The following FBXO10 variants were observed in gnomAD, a reference collection of about 807,000 sequenced individuals.
The protein encoded by FBXO10 is F-box protein 10, also known as F-box only protein 10.
A neutral mutation model predicts 80.7 loss-of-function variants in FBXO10; 39 were observed. The ratio of observed to expected loss-of-function variants is 0.48; its 90% confidence interval spans 0.37 to 0.63. The LOEUF (loss-of-function observed/expected upper bound fraction) is 0.63, where lower values mean the gene tolerates loss of function less well. Among genes scored for constraint, FBXO10 ranks in the 30% least tolerant of loss-of-function variants. The probability of loss-of-function intolerance (pLI) is 0.00; values close to 1 mark genes in which losing one functional copy is unlikely to be tolerated. For missense variants in FBXO10, 1,025 were observed against 1,269.0 expected (o/e 0.81, Z 2.92); for synonymous variants, 449 against 489.6 (o/e 0.92, Z 1.09).
At chr9:37,563,747 C>T (rs13290245) in intron 1 of FBXO10, among the ~76,000 whole-genome samples, 25,169 of 152,102 alleles carry the variant, frequency 0.17, 2,206 homozygotes, top group Middle Eastern at 0.25. Flanking sequence ...AACTTCTAAA[C>T]GACAAAGCAT....
At chr9:37,566,263 T>C (rs1199207495) in intron 1 of FBXO10, among the ~76,000 whole-genome samples, 2 of 152,126 alleles carry the variant, frequency 1.3e-5, no homozygotes, top group South Asian at 2.1e-4. Context: ...CAGAGGGCCA[T>C]ACTAGTATCA....
intron 1 of FBXO10, among the ~76,000 whole-genome samples, chr9:37,544,684 C>T (rs1822007592): frequency 6.6e-6 from 1 of 152,068 alleles, no homozygotes; most frequent in South Asian, 2.1e-4. Flanking sequence ...CTAATGATCA[C>T]CAGCGAGACT....
At chr9:37,522,234 C>T (rs76755900) in intron 7 of FBXO10, 12,075 of 599,832 alleles carry the variant, frequency 0.02, 462 homozygotes, top group African/African-American at 0.13. Context: ...CCAGACCTCT[C>T]TCTGTCCCTC....
At chr9:37,534,997 G>A (rs746515421) in intron 3 of FBXO10, among the ~76,000 whole-genome samples, 10 of 152,184 alleles carry the variant, frequency 6.6e-5, no homozygotes, top group Admixed American at 3.9e-4. Context: ...CTGCCATCAC[G>A]TAGGGTGACA....
chr9:37,549,616 T>C (rs1369166687), intron 1 of FBXO10, among the ~76,000 whole-genome samples: 1 of 152,236 alleles, frequency 6.6e-6, no homozygotes, highest in Non-Finnish European at 1.5e-5. Context: ...TTGATTCTCA[T>C]TTCATCTGCT....
In FBXO10 at chr9:37,515,978, C is replaced by T. The variant is rs1314150526; in HGVS notation, c.2622G>A (p.Lys874=). 1.9e-6 allele frequency: 3 copies of T among 1,614,052 alleles called. No individual in the cohort carries two copies. The part of the protein sequence containing the change: ...ENIIFQGKTS[K]TIFQQISNNR... Reference sequence around the variant, plus strand: ...TGTTTGAGATCTGCTGAAAGATGGTCTTACTGGTTTTGCCCTGGAAGATGA... The same window carrying T: ...TGTTTGAGATCTGCTGAAAGATGGTTTTACTGGTTTTGCCCTGGAAGATGA... Residue 874 remains lysine (K), a synonymous_variant, in exon 10 of 11, where the codon AAG becomes AAA. Coordinates refer to ENST00000432825, the MANE Select transcript of FBXO10 (RefSeq NM_012166.3).
At chr9:37,564,230 T>C (rs886112853) in intron 1 of FBXO10, among the ~76,000 whole-genome samples, 3 of 152,258 alleles carry the variant, frequency 2.0e-5, no homozygotes, top group Non-Finnish European at 4.4e-5. Context: ...AACTGAGGTA[T>C]AGAAACCTCT....
intron 1 of FBXO10, among the ~76,000 whole-genome samples, chr9:37,544,991 C>CAAA (rs59952580): frequency 0.016 from 1,109 of 69,408 alleles, 22 homozygotes; most frequent in African/African-American, 0.035. Context: ...GAGACTCTCT[C>CAAA]AAAAAAAAAA....
intron 1 of FBXO10, among the ~76,000 whole-genome samples, chr9:37,571,317 C>G (rs1167196317): frequency 1.3e-5 from 2 of 152,136 alleles, no homozygotes; most frequent in Non-Finnish European, 2.9e-5. Flanking sequence ...TAATCTTCCT[C>G]TTATAAGTTT....
At chr9:37,561,719 T>C (rs1030719093) in intron 1 of FBXO10, among the ~76,000 whole-genome samples, 4 of 152,198 alleles carry the variant, frequency 2.6e-5, no homozygotes, top group Non-Finnish European at 5.9e-5. Context: ...TGAAAAGCAG[T>C]AAATGAGGCA....
intron 1 of FBXO10, among the ~76,000 whole-genome samples, chr9:37,571,714 C>CATATATATATATATATATATATATATAT (rs71494672): frequency 1.1e-5 from 1 of 93,158 alleles, no homozygotes; most frequent in Non-Finnish European, 1.9e-5. Flanking sequence ...AAAAGAGAGC[C>CATATATATATATATATATATATATATAT]ATATATATAT....
At position 37,576,278 on chromosome 9, in the gene FBXO10, C is replaced by T. The variant is rs1438657577; in HGVS notation, c.-74G>A. On this transcript the variant is annotated 5_prime_UTR_variant, in exon 1 of 11. Transcript: ENST00000432825. Reference sequence around the variant, plus strand: ...CCGGTGCCCTGGAAGCCACCCGCCGCCCCCGCTGGAGCCGCAGCAGCCGGT... The same window carrying T: ...CCGGTGCCCTGGAAGCCACCCGCCGTCCCCGCTGGAGCCGCAGCAGCCGGT... The T allele has an allele frequency of 6.6e-6, 1 of 152,272 alleles. No individual in the cohort carries two copies. The highest frequency in any genetic ancestry group is 1.5e-5 in the Non-Finnish European group (1 of 68,128). 9.4% of individuals were successfully genotyped at this position (152,272 alleles called of 1,614,324 possible). A position where few individuals can be genotyped will look rare whatever the true frequency, so the allele number is the denominator to read the frequency against.
intron 7 of FBXO10, chr9:37,522,414 G>C: frequency 9.7e-7 from 1 of 1,028,718 alleles, no homozygotes; most frequent in Non-Finnish European, 1.2e-6. Context: ...TGAAGGCTCT[G>C]CCCAAAGTCA....
chr9:37,541,193 G>A lies in FBXO10; in HGVS notation c.576C>T (p.Ile192=). Reference sequence around the variant, plus strand: ...TGATGTGGATACCCACCTTATACATGATGGGTGAGAACCAGGCTGGCGTGA... The same window carrying A: ...TGATGTGGATACCCACCTTATACATAATGGGTGAGAACCAGGCTGGCGTGA... ...LVFTPAWFSP[I]MYKTTSGHVQ... The change falls in exon 2 of 11, where the codon ATC becomes ATT. Residue 192 remains isoleucine, a synonymous_variant. Transcript: ENST00000432825. The A allele has an allele frequency of 6.2e-7, 1 of 1,601,186 alleles. No individual in the cohort carries two copies. The highest frequency in any genetic ancestry group is 8.5e-7 in the Non-Finnish European group (1 of 1,174,034).
chr9:37,556,928 T>C (rs1822351204), intron 1 of FBXO10, among the ~76,000 whole-genome samples: 1 of 152,222 alleles, frequency 6.6e-6, no homozygotes, highest in South Asian at 2.1e-4. Flanking sequence ...TCATTGTTTC[T>C]AAGCCTTTTG....
In FBXO10 at chr9:37,549,037, C is replaced by T. The variant is rs546360180; in HGVS notation, c.-6-7263G>A. 1.6e-4 allele frequency among the ~76,000 whole-genome samples: 25 copies of T among 152,200 alleles called. No individual in the cohort carries two copies. In the South Asian group the frequency reaches 3.3e-3, roughly 20 times the overall value. ...TGCTGGGGTTATAGGTGTGAGCCAC[C>T]GCACCTGGGGATCTTTCTAAAATAC... On this transcript the variant is annotated intron_variant, in intron 1 of 10. Transcript: ENST00000432825.
intron 2 of FBXO10, among the ~76,000 whole-genome samples, chr9:37,539,027 T>A (rs1217787336): frequency 2.0e-5 from 3 of 152,202 alleles, no homozygotes; most frequent in African/African-American, 7.2e-5. Context: ...CCACTCACTC[T>A]CTATTCCTGA....
chr9:37,548,353 C>G (rs535589139), intron 1 of FBXO10, among the ~76,000 whole-genome samples: 14 of 152,034 alleles, frequency 9.2e-5, no homozygotes, highest in Non-Finnish European at 1.3e-4. Context: ...CCACTGCACT[C>G]CAGCCTGGGC....
chr9:37,556,018 A>G (rs915594543), intron 1 of FBXO10, among the ~76,000 whole-genome samples: 1 of 152,210 alleles, frequency 6.6e-6, no homozygotes, highest in African/African-American at 2.4e-5. Context: ...GGTATGAGGT[A>G]GTGGTTGAGG....
Sources: gnomAD v4.1 joint callset for allele counts (sites outside exome capture counted in the v4.1 genomes callset) on GRCh38, gnomAD v4.1.1 for gene constraint, MANE v1.5 for transcripts, NCBI Gene and HGNC (gene_info 2026-07-23, HGNC 2026-07-21) for gene names.